MRO: variants seen among roughly 807,000 people sequenced by gnomAD.
The protein encoded by MRO is protein maestro.
Under a neutral mutation model 31.0 loss-of-function variants are expected in MRO, and 28 were observed. That is an observed-to-expected ratio of 0.90 (90% CI 0.67 to 1.24). The LOEUF is 1.24. Among genes scored for constraint, MRO ranks in the 50% most tolerant of loss-of-function variants. The pLI, the probability that MRO is intolerant of heterozygous loss-of-function variation, is 0.00. For synonymous variants in MRO, 108 were observed against 108.4 expected, an observed-to-expected ratio of 1.00 and a Z score of 0.02; for missense variants, 332 against 289.2, an observed-to-expected ratio of 1.15 and a Z score of -1.07.
At chr18:50,808,447 T>C (rs2144625793) in intron 3 of MRO, among the ~76,000 whole-genome samples, 1 of 132,590 alleles carries the variant, frequency 7.5e-6, no homozygotes, top group East Asian at 2.2e-4. Context: ...TCATTCCTTT[T>C]TTATCTTATC....
In MRO at chr18:50,796,200, A is replaced by G. The variant is rs1361084692; in HGVS notation, c.*3137T>C. ...GCACAAGCATAAAAGTAACCTGTAC[A>G]TTGGTTATAAGGAATGAAATTGGTG... On this transcript the variant is annotated 3_prime_UTR_variant, in exon 8 of 8. Transcript: ENST00000398439. 1.3e-5 allele frequency: 2 copies of G among 152,182 alleles called. No individual in the cohort carries two copies. Among genetic ancestry groups the G allele is most frequent in the Admixed American group, 6.5e-5 (1 of 15,284 alleles). 9.4% of individuals were successfully genotyped at this position (152,182 alleles called of 1,614,324 possible).
intron 2 of MRO, among the ~76,000 whole-genome samples, chr18:50,817,068 A>T (rs1283297762): frequency 1.3e-5 from 2 of 152,330 alleles, no homozygotes; most frequent in African/African-American, 4.8e-5. Context: ...GTAGAACTCA[A>T]GGTCATGCTC....
Position 50,800,067 on chromosome 18 carries a change from T to G in MRO, c.662A>C (p.Asp221Ala). ...CTGGTAGAGCTTAGTGTTCCTTTGA[T>G]CTTCTTCACTCTGGAAGCTGTATTC... is the stretch of plus-strand genomic sequence containing the variant. Reference protein sequence around the residue: ...KEEYSFQSEEDQRNTKLYQQL... With the variant: ...KEEYSFQSEEAQRNTKLYQQL... Residue 221 changes from aspartate to alanine, a missense_variant, in exon 7 of 8, where the codon GAT (aspartate) becomes GCT (alanine). By Grantham distance (126) the Asp-to-Ala change is moderately radical. Transcript: ENST00000398439. The G allele has an allele frequency of 6.2e-7, 1 of 1,613,754 alleles. No homozygotes were observed. Among genetic ancestry groups the G allele is most frequent in the Non-Finnish European group, 8.5e-7 (1 of 1,179,720 alleles).
Position 50,809,353 on chromosome 18 carries a change from A to G in MRO, c.48T>C (p.Pro16=), listed in dbSNP as rs1032673851. ...TCCTTTTCTGCTTGGGCTGGGAAGT[A>G]GGGATGGAAAGGGGCTGGCCCAGGA... ...RRILGQPLSI[P]TSQPKQKRTS... Residue 16 remains proline (P), a synonymous_variant, in exon 3 of 8, where the codon CCT becomes CCC. Transcript: ENST00000398439. 3.7e-6 allele frequency: 6 copies of G among 1,613,728 alleles called. No homozygotes were observed. Among genetic ancestry groups the G allele is most frequent in the Admixed American group, 1.7e-5 (1 of 59,978 alleles).
In MRO at chr18:50,809,339, T is replaced by C; in HGVS notation, c.62A>G (p.Lys21Arg). Residue 21 changes from lysine to arginine, a missense_variant, in exon 3 of 8, where the codon AAG (lysine) becomes AGG (arginine). Lys to Arg is a conservative substitution (Grantham distance 26). Coordinates refer to ENST00000398439, the MANE Select transcript of MRO (RefSeq NM_031939.6). ...AGATATCATTGATGTCCTTTTCTGC[T>C]TGGGCTGGGAAGTAGGGATGGAAAG... Reference protein sequence around the residue: ...QPLSIPTSQPKQKRTSMISFF... With the variant: ...QPLSIPTSQPRQKRTSMISFF... The C allele has an allele frequency of 6.2e-7, 1 of 1,613,824 alleles. No homozygotes were observed. The highest frequency in any genetic ancestry group is 8.5e-7 in the Non-Finnish European group (1 of 1,179,890).
At position 50,803,796 on chromosome 18, in the gene MRO, C is replaced by T. The variant is rs148162691; in HGVS notation, c.429+1358G>A. 6.0e-3 allele frequency among the ~76,000 whole-genome samples: 919 copies of T among 152,332 alleles called. 12 individuals are homozygous for T. Among genetic ancestry groups the T allele is most frequent in the African/African-American group, 0.021 (869 of 41,574 alleles). ...CTGTCCTGCTGACACATCTGGCTCT[C>T]GCCACGTGGCTCCGGAGAGAATTAG... On this transcript the variant is annotated intron_variant, in intron 5 of 7. Coordinates refer to ENST00000398439, the MANE Select transcript of MRO (RefSeq NM_031939.6).
In MRO at chr18:50,813,376, TTCTC is replaced by T. The variant is rs1914624873; in HGVS notation, c.-4-3976_-4-3973del. On this transcript the variant is annotated intron_variant, in intron 2 of 7. Transcript: ENST00000398439. ...CATCAGTTACCTGGCTGAACTGAGATTCTCTCTGTTTGATTGAAGGTATTCCCAC... is the reference window on the plus strand; with the variant it reads ...CATCAGTTACCTGGCTGAACTGAGATTCTGTTTGATTGAAGGTATTCCCAC... Among the ~76,000 whole-genome samples, 5 of 152,364 alleles carry T rather than the reference TTCTC, an allele frequency of 3.3e-5. No individual in the cohort carries two copies. The South Asian group carries it at 1.0e-3, about 32-fold the overall frequency.
intron 2 of MRO, among the ~76,000 whole-genome samples, chr18:50,809,624 T>C (rs913843450): frequency 4.6e-5 from 7 of 151,050 alleles, no homozygotes; most frequent in African/African-American, 1.7e-4. Context: ...AAGGGGGATC[T>C]GCCCTCTAGT....
At chr18:50,802,353 CTCTT>C (rs1353344043) in intron 5 of MRO, among the ~76,000 whole-genome samples, 2 of 152,336 alleles carry the variant, frequency 1.3e-5, no homozygotes, top group Middle Eastern at 3.4e-3. Context: ...ACTCCGCCCT[CTCTT>C]TCTTTCCAAG....
intron 4 of MRO, among the ~76,000 whole-genome samples, 187 bp from the exon 5 acceptor site, chr18:50,805,523 G>A (rs1305250052): frequency 6.6e-6 from 1 of 152,096 alleles, no homozygotes; most frequent in African/African-American, 2.4e-5. Context: ...GCCCAACTCA[G>A]CCTAGGAAGG....
chr18:50,798,483 T>C lies in MRO; in HGVS notation c.*854A>G, dbSNP rs1912972297. The stretch of plus-strand genomic sequence containing the variant: ...TGGGCTCAAGAAGTCAGACCGTACA[T>C]GTTTGAATTCCAGCTCCACTGTTTA... On this transcript the variant is annotated 3_prime_UTR_variant, in exon 8 of 8. Coordinates refer to ENST00000398439, the MANE Select transcript of MRO (RefSeq NM_031939.6). The C allele has an allele frequency of 6.6e-6, 1 of 152,198 alleles. No homozygotes were observed. The highest frequency in any genetic ancestry group is 1.5e-5 in the Non-Finnish European group (1 of 68,042). 9.4% of individuals were successfully genotyped at this position (152,198 alleles called of 1,614,324 possible). A position where few individuals can be genotyped will look rare whatever the true frequency, so the allele number is the denominator to read the frequency against.
chr18:50,820,360 C>G (rs950442673), upstream of MRO, among the ~76,000 whole-genome samples: 2 of 152,166 alleles, frequency 1.3e-5, no homozygotes, highest in Admixed American at 1.3e-4. Context: ...AAAATTAAAA[C>G]CGGGGAATTA....
intron 2 of MRO, among the ~76,000 whole-genome samples, chr18:50,812,120 C>T (rs546531050): frequency 6.6e-6 from 1 of 152,236 alleles, no homozygotes; most frequent in Admixed American, 6.5e-5. Context: ...TTTACATACC[C>T]ACCAGCAACG....
chr18:50,825,034 A>G (rs921981373), intron 1 of MRO, among the ~76,000 whole-genome samples: 1 of 150,096 alleles, frequency 6.7e-6, no homozygotes. Flanking sequence ...GCACCACTGC[A>G]CTCCACTCCA....
In MRO at chr18:50,805,257, T is replaced by G. The variant is rs1372222983; in HGVS notation, c.326A>C (p.Glu109Ala). 1 of 1,614,080 alleles carries G rather than the reference T, an allele frequency of 6.2e-7. No individual in the cohort carries two copies. Among genetic ancestry groups the G allele is most frequent in the East Asian group, 2.2e-5 (1 of 44,876 alleles). ...AACGACGGTCAGAGTCTTCATACTCTCATGGATGACTTCCAAATTCACAGG... is the reference window on the plus strand; with the variant it reads ...AACGACGGTCAGAGTCTTCATACTCGCATGGATGACTTCCAAATTCACAGG... The part of the protein sequence containing the change: ...YDPVNLEVIH[E>A]SMKTLTVVLG... The change falls in exon 5 of 8, where the codon GAG becomes GCG. Residue 109 changes from glutamate (E) to alanine (A), a missense_variant. Coordinates refer to ENST00000398439, the MANE Select transcript of MRO (RefSeq NM_031939.6).
intron 2 of MRO, among the ~76,000 whole-genome samples, chr18:50,811,033 G>A (rs1009338917): frequency 2.0e-5 from 3 of 152,158 alleles, no homozygotes; most frequent in Non-Finnish European, 2.9e-5. Flanking sequence ...GAGGCAGAGC[G>A]TATATGACAC....
intron 4 of MRO, 61 bp from the exon 5 acceptor site, chr18:50,805,397 C>T (rs1913828043): frequency 1.4e-6 from 2 of 1,392,686 alleles, no homozygotes; most frequent in African/African-American, 1.4e-5. Flanking sequence ...GGTTGAAAAG[C>T]AACCCCACAT....
chr18:50,802,976 A>C (rs1273735052), intron 5 of MRO, among the ~76,000 whole-genome samples: 1 of 151,638 alleles, frequency 6.6e-6, no homozygotes, highest in Admixed American at 6.6e-5. Context: ...TACCCCATTC[A>C]AAGCCATACC....
At chr18:50,811,631 G>A (rs1333568887) in intron 2 of MRO, among the ~76,000 whole-genome samples, 1 of 150,470 alleles carries the variant, frequency 6.6e-6, no homozygotes, top group Non-Finnish European at 1.5e-5. Flanking sequence ...CTGTTTCCCT[G>A]TTTTGGCTAT....
Sources: gnomAD v4.1 joint callset for allele counts (sites outside exome capture counted in the v4.1 genomes callset) on GRCh38, gnomAD v4.1.1 for gene constraint, MANE v1.5 for transcripts, NCBI Gene and HGNC (gene_info 2026-07-23, HGNC 2026-07-21) for gene names.